CDK5RAP2: variants seen among roughly 807,000 people sequenced by gnomAD.
CDK5RAP2 encodes CDK5 regulatory subunit associated protein 2.
Under a neutral mutation model 232.9 loss-of-function variants are expected in CDK5RAP2, and 147 were observed. The ratio of observed to expected loss-of-function variants is 0.63; its 90% CI spans 0.55 to 0.72. The LOEUF is 0.72. Ranked by LOEUF, CDK5RAP2 falls within the 30% of genes least tolerant of loss-of-function variation. The pLI is 0.00. For synonymous variants in CDK5RAP2, 833 were observed against 833.7 expected (o/e 1.00, Z 0.01); for missense variants, 2,195 against 2,231.5 (o/e 0.98, Z 0.33).
rs759544676 is a variant in CDK5RAP2, at chr9:120,408,296, G to A, written c.4726+51C>T. 32 of 1,610,108 alleles carry A rather than the reference G, an allele frequency of 2.0e-5. 1 individual carries two copies. In the Middle Eastern group the frequency reaches 7.6e-4, roughly 38 times the overall value. ...CTGTGCCTACAGCCAGCTGTCGGGT[G>A]GTCTTACAGCCCAAAGCACAGTAGC... is the stretch of plus-strand genomic sequence containing the variant. On this transcript the variant is annotated intron_variant, in intron 31 of 37. Transcript: ENST00000349780.
At chr9:120,421,343 T>C (rs552852579) in intron 26 of CDK5RAP2, among the ~76,000 whole-genome samples, 29 of 152,308 alleles carry the variant, frequency 1.9e-4, no homozygotes, top group African/African-American at 7.0e-4. Context: ...TGGGATGTGA[T>C]CTATTATTAT....
chr9:120,408,099 T>C, intron 31 of CDK5RAP2: 2 of 525,084 alleles, frequency 3.8e-6, no homozygotes, highest in Non-Finnish European at 7.0e-6. Flanking sequence ...GAGGGTCACA[T>C]AGCTGGGAAC....
At chr9:120,446,487 A>G (rs991064401) in intron 22 of CDK5RAP2, among the ~76,000 whole-genome samples, 22 of 152,036 alleles carry the variant, frequency 1.4e-4, no homozygotes, top group African/African-American at 5.3e-4. Context: ...TGGCCTCCCA[A>G]AGTGCTGGGA....
chr9:120,570,208 G>A (rs534811901), intron 2 of CDK5RAP2, among the ~76,000 whole-genome samples: 10 of 152,252 alleles, frequency 6.6e-5, no homozygotes, highest in Admixed American at 3.9e-4. Flanking sequence ...TGAAGGGCAC[G>A]CTAGTTTGTT....
At chr9:120,391,991 G>A (rs1410973373) in intron 36 of CDK5RAP2, among the ~76,000 whole-genome samples, 1 of 152,194 alleles carries the variant, frequency 6.6e-6, no homozygotes, top group Non-Finnish European at 1.5e-5. Flanking sequence ...CCTGCTCTGT[G>A]CCAGGCCTAG....
chr9:120,458,400 T>C (rs775605693), intron 20 of CDK5RAP2, 50 bp downstream of exon 20: 3 of 1,578,898 alleles, frequency 1.9e-6, no homozygotes, highest in Non-Finnish European at 2.6e-6. Flanking sequence ...AATGAGTTTG[T>C]TCTCCCCTAG....
At chr9:120,390,249 C>G (rs1406031569) in intron 36 of CDK5RAP2, 2 of 163,280 alleles carry the variant, frequency 1.2e-5, no homozygotes, top group African/African-American at 4.8e-5. Context: ...GGCAGACCCA[C>G]ATATGAGGGT....
chr9:120,451,260 G>C (rs1473800785), intron 21 of CDK5RAP2, among the ~76,000 whole-genome samples: 3 of 152,182 alleles, frequency 2.0e-5, no homozygotes, highest in African/African-American at 7.2e-5. Flanking sequence ...CTTGGGAATG[G>C]AAGGGAAACA....
At chr9:120,440,742 G>A (rs2035853121) in intron 23 of CDK5RAP2, among the ~76,000 whole-genome samples, 1 of 152,058 alleles carries the variant, frequency 6.6e-6, no homozygotes, top group Admixed American at 6.6e-5. Flanking sequence ...TCACATTCTC[G>A]GCGTCTAGTA....
In CDK5RAP2 at chr9:120,518,643, C is replaced by G; in HGVS notation, c.1095G>C (p.Gly365=). 4.3e-6 allele frequency: 7 copies of G among 1,613,008 alleles called. No individual in the cohort carries two copies. The highest frequency in any genetic ancestry group is 5.9e-6 in the Non-Finnish European group (7 of 1,179,278). ...ATAGAGCAGTCTCATAGTCTTCAGA[C>G]CCCTAGAAGAGAAGGCAGAGAAGCA... ...LQKAQTQEFQ[G]SEDYETALSG... The change falls in exon 12 of 38, where the codon GGG becomes GGC. Residue 365 remains glycine, a splice_region_variant and synonymous_variant. Coordinates refer to ENST00000349780, the MANE Select transcript of CDK5RAP2 (RefSeq NM_018249.6).
intron 19 of CDK5RAP2, among the ~76,000 whole-genome samples, chr9:120,459,660 C>T (rs1290367288): frequency 6.6e-6 from 1 of 152,144 alleles, no homozygotes; most frequent in East Asian, 1.9e-4. Flanking sequence ...GTATTACTAT[C>T]CTCATTGACA....
At chr9:120,568,146 G>A (rs1250813976) in intron 3 of CDK5RAP2, among the ~76,000 whole-genome samples, 175 bp downstream of exon 3, 1 of 152,162 alleles carries the variant, frequency 6.6e-6, no homozygotes, top group African/African-American at 2.4e-5. Flanking sequence ...CTTGTATAAA[G>A]GGCTGACTGC....
intron 25 of CDK5RAP2, among the ~76,000 whole-genome samples, chr9:120,431,021 C>A (rs2035253676): frequency 6.6e-6 from 1 of 152,072 alleles, no homozygotes; most frequent in Non-Finnish European, 1.5e-5. Flanking sequence ...GACAAAAAAC[C>A]AAACACCGCA....
chr9:120,516,355 G>C (rs985686941), intron 12 of CDK5RAP2, among the ~76,000 whole-genome samples: 1 of 132,164 alleles, frequency 7.6e-6, no homozygotes, highest in African/African-American at 2.9e-5. Context: ...ATCACACTCC[G>C]GGGACTGTTG....
intron 1 of CDK5RAP2, among the ~76,000 whole-genome samples, chr9:120,574,165 G>C (rs955251497): frequency 6.6e-6 from 1 of 152,260 alleles, no homozygotes; most frequent in African/African-American, 2.4e-5. Context: ...CCAACTCTTA[G>C]ACAAAACCAC....
chr9:120,566,640 A>G (rs1440608502), intron 3 of CDK5RAP2, among the ~76,000 whole-genome samples: 1 of 152,228 alleles, frequency 6.6e-6, no homozygotes, highest in Non-Finnish European at 1.5e-5. Context: ...CCTCCTAACA[A>G]CCCTATGAAG....
chr9:120,574,403 A>G (rs1394961742), intron 1 of CDK5RAP2, among the ~76,000 whole-genome samples: 1 of 152,208 alleles, frequency 6.6e-6, no homozygotes, highest in Non-Finnish European at 1.5e-5. Context: ...AAGCAAAACA[A>G]AAGGGCTCAG....
chr9:120,572,038 GC>G lies in CDK5RAP2; in HGVS notation c.62del (p.Gly21AlafsTer40). 6.2e-7 allele frequency: 1 copy of G among 1,612,016 alleles called. No homozygotes were observed. Among genetic ancestry groups the G allele is most frequent in the Non-Finnish European group, 8.5e-7 (1 of 1,178,092 alleles). ...GGTCATCTGGTACACTGGGAACAAGGCCACTAGGAGAGAACACATGAGATAA... is the reference window on the plus strand; with the variant it reads ...GGTCATCTGGTACACTGGGAACAAGGCACTAGGAGAGAACACATGAGATAA... ...TVPGTLSGCSGLVPSVPDDLD... is the reference protein window; with the variant it reads ...TVPGTLSGCSXLVPSVPDDLD... On this transcript the variant is annotated frameshift_variant and splice_region_variant, in exon 2 of 38. Coordinates refer to ENST00000349780, the MANE Select transcript of CDK5RAP2 (RefSeq NM_018249.6). LOFTEE classifies it high-confidence loss of function.
intron 25 of CDK5RAP2, among the ~76,000 whole-genome samples, chr9:120,436,601 C>T (rs983264698): frequency 7.9e-5 from 12 of 152,110 alleles, no homozygotes; most frequent in African/African-American, 1.2e-4. Flanking sequence ...CCTGAATTAT[C>T]TAGGGAGAAA....
Sources: allele counts gnomAD v4.1 joint callset (sites outside exome capture counted in the v4.1 genomes callset), GRCh38; gene constraint gnomAD v4.1.1; transcripts MANE v1.5; gene names NCBI Gene and HGNC (gene_info 2026-07-23, HGNC 2026-07-21).